CDK13: variants seen among roughly 807,000 people sequenced by gnomAD.
The protein encoded by CDK13 is cyclin dependent kinase 13.
In CDK13, 40 loss-of-function variants were observed where a neutral mutation model predicts 137.6. The observed-to-expected ratio is 0.29, with a 90% CI of 0.23 to 0.38. The LOEUF is 0.38. Among genes scored for constraint, CDK13 ranks in the 10% least tolerant of loss-of-function variants. CDK13 has a pLI of 1.00. For missense variants in CDK13, 1,704 were observed against 1,951.8 expected, an observed-to-expected ratio of 0.87 and a Z score of 2.39; for synonymous variants, 869 against 760.1, an observed-to-expected ratio of 1.14 and a Z score of -2.36.
chr7:39,982,919 C>G (rs1362236604), intron 1 of CDK13, among the ~76,000 whole-genome samples: 2 of 152,168 alleles, frequency 1.3e-5, no homozygotes, highest in East Asian at 3.9e-4. Flanking sequence ...GGTATTAGCC[C>G]TTTGTCAGAT....
chr7:39,992,087 A>ACACG (rs1554325672), intron 2 of CDK13, among the ~76,000 whole-genome samples: 1 of 35,012 alleles, frequency 2.9e-5, no homozygotes, highest in Non-Finnish European at 7.6e-5. Context: ...ACACACACAC[A>ACACG]CACACACACA....
Position 40,069,234 on chromosome 7 carries a change from CAAAA to C in CDK13, c.2780+6138_2780+6141del, listed in dbSNP as rs572069801. On this transcript the variant is annotated intron_variant, in intron 9 of 13. Coordinates refer to ENST00000181839, the MANE Select transcript of CDK13 (RefSeq NM_003718.5). Reference sequence around the variant, plus strand: ...TGGGCAGCAGAGCGAGACCTTGTCTCAAAAAAACAGAAATAAAACAACAAAACAT... The same window carrying C: ...TGGGCAGCAGAGCGAGACCTTGTCTCAAACAGAAATAAAACAACAAAACAT... 1.4e-5 allele frequency: 6 copies of C among 431,182 alleles called. No homozygotes were observed. In the East Asian group the frequency reaches 4.2e-4, roughly 30 times the overall value. 26.7% of individuals were successfully genotyped at this position (431,182 alleles called of 1,614,324 possible).
rs529475980 is a variant in CDK13, at chr7:39,966,112, C to T, written c.1211+14260C>T. 3.0e-4 allele frequency among the ~76,000 whole-genome samples: 46 copies of T among 152,194 alleles called. No individual in the cohort carries two copies. In the South Asian group the frequency reaches 9.1e-3, roughly 30 times the overall value. ...TTACGTGTCTTGGAGTAGCTCTTCT[C>T]GAGGAGCATCTTTGTGGCGTTCTCT... On this transcript the variant is annotated intron_variant, in intron 1 of 13. Coordinates refer to ENST00000181839, the MANE Select transcript of CDK13 (RefSeq NM_003718.5).
intron 5 of CDK13, among the ~76,000 whole-genome samples, chr7:40,016,327 C>G (rs542365563): frequency 6.6e-6 from 1 of 152,250 alleles, no homozygotes; most frequent in East Asian, 1.9e-4. Flanking sequence ...ACAAGAAGAT[C>G]ATTATACTTT....
At chr7:39,960,849 A>G (rs972146549) in intron 1 of CDK13, among the ~76,000 whole-genome samples, 2 of 151,836 alleles carry the variant, frequency 1.3e-5, no homozygotes, top group Admixed American at 1.3e-4. Flanking sequence ...TGCTGGGATT[A>G]CAGGCGTGAG....
chr7:39,965,899 A>G (rs1013913360), intron 1 of CDK13, among the ~76,000 whole-genome samples: 1 of 152,140 alleles, frequency 6.6e-6, no homozygotes, highest in Admixed American at 6.5e-5. Flanking sequence ...CTGGATATGA[A>G]ATTCTGGGTT....
At position 40,059,725 on chromosome 7, in the gene CDK13, C is replaced by T. The variant is rs902157747; in HGVS notation, c.2601-3101C>T. On this transcript the variant is annotated intron_variant, in intron 7 of 13. Coordinates refer to ENST00000181839, the MANE Select transcript of CDK13 (RefSeq NM_003718.5). Reference sequence around the variant, plus strand: ...AACAGATAGTCTTTGATCTCTACTCCGTTGACACTTCCTTGAATGTAAAAA... The same window carrying T: ...AACAGATAGTCTTTGATCTCTACTCTGTTGACACTTCCTTGAATGTAAAAA... 4.6e-5 allele frequency among the ~76,000 whole-genome samples: 7 copies of T among 152,188 alleles called. No homozygotes were observed. In the South Asian group the frequency reaches 6.2e-4, roughly 14 times the overall value.
Position 40,094,856 on chromosome 7 carries a change from G to A in CDK13, c.4415G>A (p.Gly1472Asp), listed in dbSNP as rs1221112189. 6.5e-7 allele frequency: 1 copy of A among 1,549,444 alleles called. No homozygotes were observed. Among genetic ancestry groups the A allele is most frequent in the Non-Finnish European group, 8.7e-7 (1 of 1,149,612 alleles). The change falls in exon 14 of 14, where the codon GGC becomes GAC. Residue 1472 changes from glycine (G) to aspartate (D), a missense_variant. By Grantham distance (94) the Gly-to-Asp change is moderately conservative. Transcript: ENST00000181839. The part of the protein sequence containing the change: ...YGGNLQENPS[G>D]PSLMHGQTWT... ...GGTAACTTACAGGAAAATCCGAGTG[G>A]CCCCAGCCTCATGCATGGACAGACC...
At chr7:39,983,935 G>T (rs955940318) in intron 1 of CDK13, among the ~76,000 whole-genome samples, 1 of 152,102 alleles carries the variant, frequency 6.6e-6, no homozygotes, top group Non-Finnish European at 1.5e-5. Flanking sequence ...TAAAGTGTGG[G>T]TTTTTATGAA....
At position 40,064,957 on chromosome 7, in the gene CDK13, A is replaced by ATTTT. The variant is rs56710188; in HGVS notation, c.2780+1888_2780+1891dup. ...CAGGCATGCACCACCATGCTGGGTG[A>ATTTT]TTTTTTTTTTTTTTTTTTTTTTTTT... On this transcript the variant is annotated intron_variant, in intron 9 of 13. Transcript: ENST00000181839. 8.2e-4 allele frequency among the ~76,000 whole-genome samples: 38 copies of ATTTT among 46,142 alleles called. 1 individual carries two copies. The highest frequency in any genetic ancestry group is 4.3e-3 in the East Asian group (5 of 1,158). 30.3% of individuals were successfully genotyped at this position (46,142 alleles called of 152,430 possible).
intron 12 of CDK13, among the ~76,000 whole-genome samples, chr7:40,088,795 T>C (rs181942913): frequency 3.9e-5 from 6 of 152,094 alleles, no homozygotes; most frequent in Non-Finnish European, 8.8e-5. Context: ...TCTTAAAGAT[T>C]GGGGCCAGGC....
intron 5 of CDK13, among the ~76,000 whole-genome samples, chr7:40,005,302 T>G (rs1784775134): frequency 6.6e-6 from 1 of 152,010 alleles, no homozygotes; most frequent in Admixed American, 6.6e-5. Flanking sequence ...TTTTTTTTTT[T>G]TTTTGAGACC....
At chr7:40,083,451 G>A (rs543320512) in intron 11 of CDK13, among the ~76,000 whole-genome samples, 1 of 152,262 alleles carries the variant, frequency 6.6e-6, no homozygotes, top group Admixed American at 6.5e-5. Context: ...TCTTTTCACA[G>A]CACATTTAAT....
chr7:40,091,132 T>G (rs891067730), intron 12 of CDK13, among the ~76,000 whole-genome samples: 1 of 147,986 alleles, frequency 6.8e-6, no homozygotes, highest in Non-Finnish European at 1.5e-5. Flanking sequence ...GATCATGAGG[T>G]CAGGAGATCG....
intron 7 of CDK13, among the ~76,000 whole-genome samples, chr7:40,054,960 T>G (rs959821024): frequency 6.6e-5 from 10 of 152,258 alleles, no homozygotes; most frequent in South Asian, 2.1e-4. Flanking sequence ...ATGTGGAGAT[T>G]ACTTGAGCCT....
At chr7:40,026,329 C>G (rs1785240840) in intron 5 of CDK13, among the ~76,000 whole-genome samples, 1 of 152,022 alleles carries the variant, frequency 6.6e-6, no homozygotes, top group African/African-American at 2.4e-5. Context: ...GACAACATAG[C>G]TAGACCCTAT....
rs185121940 is a variant in CDK13 at position 40,045,732 on chromosome 7, A to G, written c.2354-104A>G. On this transcript the variant is annotated intron_variant, in intron 5 of 13. Coordinates refer to ENST00000181839, the MANE Select transcript of CDK13 (RefSeq NM_003718.5). ...AAGTAACAAAGTAACACTTCTTTTC[A>G]AGGATTAATTCTTCCTCTACCAGCC... The G allele has an allele frequency of 3.5e-5, 25 of 704,522 alleles. No individual in the cohort carries two copies. In the Admixed American group the frequency reaches 5.5e-4, roughly 15 times the overall value. The allele number at this position is 704,522 out of a possible 1,614,324, so 43.6% of individuals were successfully genotyped here. A position where few individuals can be genotyped will look rare whatever the true frequency, so the allele number is the denominator to read the frequency against.
chr7:39,977,725 A>G (rs1262583053), intron 1 of CDK13, among the ~76,000 whole-genome samples: 1 of 152,184 alleles, frequency 6.6e-6, no homozygotes, highest in Non-Finnish European at 1.5e-5. Flanking sequence ...AGATTATTCA[A>G]GTGCAGAGTT....
chr7:39,961,857 A>G (rs187681726), intron 1 of CDK13, among the ~76,000 whole-genome samples: 22 of 152,130 alleles, frequency 1.4e-4, no homozygotes, highest in East Asian at 7.8e-4. Context: ...TCATTGTTCA[A>G]TTCCCACCTA....
Sources: gnomAD v4.1 joint callset for allele counts (sites outside exome capture counted in the v4.1 genomes callset) on GRCh38, gnomAD v4.1.1 for gene constraint, MANE v1.5 for transcripts, NCBI Gene and HGNC (gene_info 2026-07-23, HGNC 2026-07-21) for gene names.